The following BMERB1 variants were observed in gnomAD, a reference collection of about 807,000 sequenced individuals.
BMERB1 encodes bMERB domain containing 1.
BMERB1 carries 12 observed loss-of-function variants against 23.6 expected under a neutral mutation model. That is an observed-to-expected ratio of 0.51 (90% CI 0.33 to 0.82). The LOEUF is 0.82. Among genes scored for constraint, BMERB1 ranks in the 40% least tolerant of loss-of-function variants. The pLI is 0.03. For synonymous variants in BMERB1, 122 were observed against 96.6 expected (o/e 1.26, Z -1.54); for missense variants, 247 against 255.4 (o/e 0.97, Z 0.22).
intron 1 of BMERB1, chr16:15,502,362 G>A (rs1486176396): frequency 1.1e-5 from 17 of 1,550,764 alleles, no homozygotes; most frequent in African/African-American, 2.7e-5. Flanking sequence ...ATGGGACGGC[G>A]GAGTGCAAAG....
At chr16:15,555,183 C>T (rs2150967592) in intron 2 of BMERB1, among the ~76,000 whole-genome samples, 1 of 152,200 alleles carries the variant, frequency 6.6e-6, no homozygotes, top group Middle Eastern at 3.4e-3. Flanking sequence ...TGAAGTGATC[C>T]TCCTACCTCA....
chr16:15,480,069 G>A (rs1172934647), intron 1 of BMERB1, among the ~76,000 whole-genome samples: 2 of 148,566 alleles, frequency 1.3e-5, no homozygotes, highest in Non-Finnish European at 3.0e-5. Context: ...TTTTTTAAAT[G>A]GCCAGGAAAT....
intron 2 of BMERB1, chr16:15,533,069 G>T (rs749360748): frequency 4.4e-6 from 2 of 454,188 alleles, no homozygotes; most frequent in Non-Finnish European, 8.8e-6. Flanking sequence ...CCAGTATCTC[G>T]CAGGGTGGTC....
chr16:15,498,764 G>T (rs1254020920), intron 1 of BMERB1, among the ~76,000 whole-genome samples: 1 of 152,236 alleles, frequency 6.6e-6, no homozygotes, highest in African/African-American at 2.4e-5. Flanking sequence ...TTTCAACAAA[G>T]GGTGATTTTG....
intron 3 of BMERB1, among the ~76,000 whole-genome samples, chr16:15,573,615 C>T (rs1341773320): frequency 1.3e-5 from 2 of 152,108 alleles, no homozygotes; most frequent in Non-Finnish European, 2.9e-5. Context: ...ATACCTCAAG[C>T]ATTGATCTTG....
At chr16:15,496,487 T>G (rs1014477841) in intron 1 of BMERB1, among the ~76,000 whole-genome samples, 24 of 152,116 alleles carry the variant, frequency 1.6e-4, no homozygotes, top group African/African-American at 5.8e-4. Context: ...AACTAGCTAT[T>G]ATGAAATGAA....
intron 1 of BMERB1, among the ~76,000 whole-genome samples, chr16:15,447,434 C>T (rs1280850296): frequency 6.6e-6 from 1 of 152,132 alleles, no homozygotes; most frequent in Non-Finnish European, 1.5e-5. Flanking sequence ...AATTACCTCC[C>T]ACCAGGTCCC....
chr16:15,541,689 C>T (rs912607546), intron 2 of BMERB1, among the ~76,000 whole-genome samples: 4 of 150,362 alleles, frequency 2.7e-5, no homozygotes, highest in East Asian at 2.0e-4. Context: ...GCAAGCTCCG[C>T]CTCCCAGGTT....
chr16:15,465,462 C>T (rs2051173196), intron 1 of BMERB1, among the ~76,000 whole-genome samples: 3 of 151,488 alleles, frequency 2.0e-5, no homozygotes, highest in African/African-American at 7.3e-5. Flanking sequence ...AAGCGATTCT[C>T]ATGCCTCAGC....
At chr16:15,474,139 T>C (rs1257556423) in intron 1 of BMERB1, among the ~76,000 whole-genome samples, 1 of 149,094 alleles carries the variant, frequency 6.7e-6, no homozygotes, top group Non-Finnish European at 1.5e-5. Flanking sequence ...AAAAAAAAAG[T>C]TTTATTTCTT....
intron 1 of BMERB1, among the ~76,000 whole-genome samples, chr16:15,490,868 G>A (rs2051413992): frequency 6.6e-6 from 1 of 151,622 alleles, no homozygotes; most frequent in Non-Finnish European, 1.5e-5. Context: ...TTTGAGACAG[G>A]GTCTTGCTCT....
At chr16:15,460,907 T>C (rs1313273658) in intron 1 of BMERB1, among the ~76,000 whole-genome samples, 1 of 152,096 alleles carries the variant, frequency 6.6e-6, no homozygotes. Context: ...GGCAAGCACC[T>C]GAGGTCAGGA....
At chr16:15,567,122 T>G (rs1353548716) in intron 2 of BMERB1, among the ~76,000 whole-genome samples, 1 of 151,598 alleles carries the variant, frequency 6.6e-6, no homozygotes. Flanking sequence ...GCCCAGGAGT[T>G]CAAGTCTGCA....
chr16:15,517,929 G>A (rs1331844309), intron 2 of BMERB1, among the ~76,000 whole-genome samples: 2 of 150,592 alleles, frequency 1.3e-5, no homozygotes, highest in East Asian at 3.9e-4. Context: ...GTGAGGATGT[G>A]TGTGTGCATG....
intron 1 of BMERB1, among the ~76,000 whole-genome samples, chr16:15,490,673 A>G (rs1354685297): frequency 6.6e-6 from 1 of 152,182 alleles, no homozygotes; most frequent in Non-Finnish European, 1.5e-5. Context: ...GGATTCATCC[A>G]TCAAACACCT....
chr16:15,473,789 G>T (rs556927140), intron 1 of BMERB1, among the ~76,000 whole-genome samples: 1 of 152,148 alleles, frequency 6.6e-6, no homozygotes, highest in South Asian at 2.1e-4. Context: ...TTTCAAAGGA[G>T]AACTTGACTG....
At position 15,450,575 on chromosome 16, in the gene BMERB1, A is replaced by G. The variant is rs957721285; in HGVS notation, c.106+15816A>G. ...AGCCTCCACCTCCTGGGCTCAAGCA[A>G]TCCTCCTGCCTCAGCCTCCCGAGTA... On this transcript the variant is annotated intron_variant, in intron 1 of 5. Transcript: ENST00000300006. Among the ~76,000 whole-genome samples the G allele has an allele frequency of 1.4e-4, 22 of 152,248 alleles. No individual in the cohort carries two copies. The East Asian group carries it at 2.9e-3, about 20-fold the overall frequency.
At chr16:15,486,634 A>C (rs1598466143) in intron 1 of BMERB1, among the ~76,000 whole-genome samples, 1 of 152,234 alleles carries the variant, frequency 6.6e-6, no homozygotes, top group Non-Finnish European at 1.5e-5. Flanking sequence ...TTAGTGGTCC[A>C]GAAATACTTC....
intron 1 of BMERB1, among the ~76,000 whole-genome samples, chr16:15,485,872 A>G (rs528484243): frequency 2.1e-4 from 32 of 152,266 alleles, no homozygotes; most frequent in African/African-American, 6.3e-4. Flanking sequence ...TACTTAGTGC[A>G]CAGCAAAGGA....
Sources: allele counts gnomAD v4.1 joint callset (sites outside exome capture counted in the v4.1 genomes callset), GRCh38; gene constraint gnomAD v4.1.1; transcripts MANE v1.5; gene names NCBI Gene and HGNC (gene_info 2026-07-23, HGNC 2026-07-21).